Variants in XKR6 observed in about 807,000 individuals in gnomAD.
XKR6 encodes the protein XK related 6.
Under a neutral mutation model 56.7 loss-of-function variants are expected in XKR6, and 22 were observed. The observed-to-expected ratio is 0.39, with a 90% confidence interval of 0.28 to 0.55. XKR6 has a LOEUF of 0.55. Ranked by LOEUF, XKR6 falls within the 20% of genes least tolerant of loss-of-function variation. XKR6 has a pLI of 0.66. For missense variants in XKR6, 852 were observed against 889.0 expected (o/e 0.96, Z 0.53); for synonymous variants, 524 against 387.8 (o/e 1.35, Z -4.13).
intron 1 of XKR6, among the ~76,000 whole-genome samples, chr8:11,039,381 C>T (rs1331517977): frequency 1.3e-5 from 2 of 152,222 alleles, no homozygotes; most frequent in African/African-American, 4.8e-5. Context: ...GCTCTGCAGC[C>T]TCAGATGGGC....
intron 1 of XKR6, chr8:11,138,225 C>T (rs936270628): frequency 5.1e-5 from 8 of 155,916 alleles, no homozygotes; most frequent in African/African-American, 1.9e-4. Flanking sequence ...ACTTAGGACA[C>T]ACATGTGTGG....
chr8:11,057,421 G>A (rs1586486966), intron 1 of XKR6, among the ~76,000 whole-genome samples: 3 of 152,174 alleles, frequency 2.0e-5, no homozygotes, highest in South Asian at 4.1e-4. Context: ...ACCACCTTTC[G>A]AATGAATGAA....
intron 1 of XKR6, among the ~76,000 whole-genome samples, chr8:11,065,199 C>T (rs571977633): frequency 1.6e-4 from 24 of 152,258 alleles, no homozygotes; most frequent in African/African-American, 5.8e-4. Context: ...CTGAGCTCCC[C>T]GGCACCCATG....
chr8:11,093,577 TTTC>T (rs1412987817), intron 1 of XKR6, among the ~76,000 whole-genome samples: 1 of 152,194 alleles, frequency 6.6e-6, no homozygotes, highest in African/African-American at 2.4e-5. Flanking sequence ...ACATGGTCCT[TTTC>T]TTCTTCTTGA....
At chr8:11,078,208 G>A (rs1800325050) in intron 1 of XKR6, among the ~76,000 whole-genome samples, 1 of 152,212 alleles carries the variant, frequency 6.6e-6, no homozygotes. Flanking sequence ...AGGAACTCCA[G>A]AGGGAAAGAA....
At chr8:11,077,389 C>G (rs914535345) in intron 1 of XKR6, among the ~76,000 whole-genome samples, 4 of 152,122 alleles carry the variant, frequency 2.6e-5, no homozygotes, top group African/African-American at 9.7e-5. Context: ...GTGCCTGCAG[C>G]CCTGGGGCGC....
intron 1 of XKR6, among the ~76,000 whole-genome samples, chr8:11,180,305 C>G (rs1802898253): frequency 6.6e-6 from 1 of 152,138 alleles, no homozygotes; most frequent in African/African-American, 2.4e-5. Context: ...GAACAAAGAA[C>G]AGGGGAAATG....
At chr8:11,087,267 G>C (rs1586526723) in intron 1 of XKR6, among the ~76,000 whole-genome samples, 1 of 152,248 alleles carries the variant, frequency 6.6e-6, no homozygotes, top group East Asian at 1.9e-4. Context: ...ATCCCACTTG[G>C]CCTCCACTAT....
At chr8:11,190,274 A>AGAAAG (rs1803505164) in intron 1 of XKR6, among the ~76,000 whole-genome samples, 3 of 151,712 alleles carry the variant, frequency 2.0e-5, no homozygotes, top group South Asian at 4.2e-4. Context: ...GGAAAAGAAA[A>AGAAAG]GAAAGGAAAA....
intron 1 of XKR6, among the ~76,000 whole-genome samples, chr8:11,028,286 T>C (rs757621844): frequency 1.3e-5 from 2 of 152,202 alleles, no homozygotes; most frequent in Non-Finnish European, 2.9e-5. Context: ...GCTTGGTAGC[T>C]CATTTCTTTT....
chr8:10,905,554 C>T (rs561171653), intron 2 of XKR6, among the ~76,000 whole-genome samples: 1 of 152,262 alleles, frequency 6.6e-6, no homozygotes, highest in South Asian at 2.1e-4. Flanking sequence ...GGCATTGTAC[C>T]CCAGTAGGCT....
Position 10,897,836 on chromosome 8 carries a change from T to C in XKR6, c.*116A>G. 1 of 1,298,940 alleles carries C rather than the reference T, an allele frequency of 7.7e-7. No homozygotes were observed. Among genetic ancestry groups the C allele is most frequent in the Non-Finnish European group, 1.0e-6 (1 of 971,152 alleles). The allele number at this position is 1,298,940 out of a possible 1,614,324, so 80.5% of individuals were successfully genotyped here. A position where few individuals can be genotyped will look rare whatever the true frequency, so the allele number is the denominator to read the frequency against. ...TAGTGGTGGTGTTGGTGTGGCGGTG[T>C]TGGTGGTGGTGGCGGTGGTTCTGTG... On this transcript the variant is annotated 3_prime_UTR_variant, in exon 3 of 3. Coordinates refer to ENST00000416569, the MANE Select transcript of XKR6 (RefSeq NM_173683.4).
At chr8:11,116,801 T>G (rs1799199028) in intron 1 of XKR6, among the ~76,000 whole-genome samples, 1 of 152,174 alleles carries the variant, frequency 6.6e-6, no homozygotes, top group African/African-American at 2.4e-5. Flanking sequence ...TCCCCCTTTT[T>G]CCTTCAACCA....
chr8:11,009,334 G>A (rs991033418), intron 1 of XKR6, among the ~76,000 whole-genome samples: 1 of 152,070 alleles, frequency 6.6e-6, no homozygotes, highest in Non-Finnish European at 1.5e-5. Context: ...AACATGGAGA[G>A]ACCCTGTCTT....
At chr8:11,005,618 A>T (rs1586421825) in intron 1 of XKR6, among the ~76,000 whole-genome samples, 1 of 152,308 alleles carries the variant, frequency 6.6e-6, no homozygotes, top group South Asian at 2.1e-4. Flanking sequence ...GTGTGTATTA[A>T]CATGCAAATA....
intron 1 of XKR6, among the ~76,000 whole-genome samples, chr8:10,938,107 G>A (rs1440754592): frequency 2.0e-5 from 3 of 152,198 alleles, no homozygotes; most frequent in Non-Finnish European, 4.4e-5. Context: ...CTCGTGATGC[G>A]CCGTTTTTTA....
chr8:11,176,651 A>T (rs1185409616), intron 1 of XKR6, among the ~76,000 whole-genome samples: 1 of 152,146 alleles, frequency 6.6e-6, no homozygotes, highest in Non-Finnish European at 1.5e-5. Flanking sequence ...GAGGCAGATG[A>T]AGTCGGCCCC....
intron 1 of XKR6, chr8:11,108,072 A>C (rs749012682): frequency 3.6e-5 from 12 of 332,276 alleles, no homozygotes; most frequent in Non-Finnish European, 5.8e-5. Flanking sequence ...TGAACGATGT[A>C]ACAGGTGGAG....
At chr8:10,901,014 G>A (rs916553430) in intron 2 of XKR6, among the ~76,000 whole-genome samples, 28 of 147,514 alleles carry the variant, frequency 1.9e-4, no homozygotes, top group African/African-American at 6.8e-4. Context: ...GCCCAGCTAA[G>A]ATTTTTATTT....
Sources: allele counts gnomAD v4.1 joint callset (sites outside exome capture counted in the v4.1 genomes callset), GRCh38; gene constraint gnomAD v4.1.1; transcripts MANE v1.5; gene names NCBI Gene and HGNC (gene_info 2026-07-23, HGNC 2026-07-21).